The following ARHGAP22 variants were observed in gnomAD, a reference collection of about 807,000 sequenced individuals.
The protein encoded by ARHGAP22 is rho GTPase-activating protein 22.
ARHGAP22 carries 48 observed loss-of-function variants against 59.1 expected under a neutral mutation model. The observed-to-expected ratio is 0.81, with a 90% CI of 0.64 to 1.03. The LOEUF (loss-of-function observed/expected upper bound fraction) is 1.03, where lower values mean the gene tolerates loss of function less well. ARHGAP22 is among the 50% of genes least tolerant of loss of function. ARHGAP22 has a pLI of 0.00. For synonymous variants in ARHGAP22, 445 were observed against 416.4 expected (o/e 1.07, Z -0.84); for missense variants, 1,015 against 958.7 (o/e 1.06, Z -0.78).
In ARHGAP22 at chr10:48,493,646, T is replaced by A; in HGVS notation, c.323-13882A>T. ...TGCCTGTGGGCATCAGGCTGAGGCC[T>A]TTTGTCTCTCCTGGGGAACTTCTGC... is the stretch of plus-strand genomic sequence containing the variant. On this transcript the variant is annotated intron_variant, in intron 3 of 9. Transcript: ENST00000249601. 10 of 1,419,014 alleles carry A rather than the reference T, an allele frequency of 7.0e-6. No individual in the cohort carries two copies. In the South Asian group the frequency reaches 9.5e-5, roughly 13 times the overall value. The allele number at this position is 1,419,014 out of a possible 1,614,324, so 87.9% of individuals were successfully genotyped here. A position where few individuals can be genotyped will look rare whatever the true frequency, so the allele number is the denominator to read the frequency against.
In ARHGAP22 at chr10:48,453,360, A is replaced by G; in HGVS notation, c.932T>C (p.Val311Ala). 1 of 1,614,018 alleles carries G rather than the reference A, an allele frequency of 6.2e-7. No homozygotes were observed. Among genetic ancestry groups the G allele is most frequent in the Non-Finnish European group, 8.5e-7 (1 of 1,179,986 alleles). Reference protein sequence around the residue: ...NKMSVQNLATVFGPNILRPQV... With the variant: ...NKMSVQNLATAFGPNILRPQV... ...TGGCCGCAGAATGTTAGGTCCAAAA[A>G]CGGTTGCCAGATTCTGGACACTCAT... The change falls in exon 8 of 10, where the codon GTT becomes GCT. Residue 311 changes from valine (V) to alanine (A), a missense_variant. Physicochemically the swap from Val to Ala is moderately conservative, Grantham distance 64. Coordinates refer to ENST00000249601, the MANE Select transcript of ARHGAP22 (RefSeq NM_021226.4).
intron 2 of ARHGAP22, among the ~76,000 whole-genome samples, chr10:48,577,855 C>T (rs2058844953): frequency 1.6e-5 from 2 of 127,940 alleles, no homozygotes; most frequent in African/African-American, 5.9e-5. Context: ...CTCTGCTGCC[C>T]AGGCTGAAGT....
chr10:48,551,863 A>T (rs2056919682), intron 3 of ARHGAP22, among the ~76,000 whole-genome samples: 1 of 152,240 alleles, frequency 6.6e-6, no homozygotes, highest in East Asian at 1.9e-4. Flanking sequence ...AATCTGTAGG[A>T]GGCCCCATAT....
chr10:48,528,404 A>T (rs1589964929), intron 3 of ARHGAP22, among the ~76,000 whole-genome samples: 2 of 152,180 alleles, frequency 1.3e-5, no homozygotes. Context: ...TGTACAAATG[A>T]TGACTGAACA....
chr10:48,496,860 T>TG (rs1028290179), intron 3 of ARHGAP22, among the ~76,000 whole-genome samples: 3 of 151,996 alleles, frequency 2.0e-5, no homozygotes, highest in Admixed American at 1.3e-4. Flanking sequence ...CTCTGGAGAT[T>TG]GGGGGGTAGG....
chr10:48,551,354 T>C (rs1258238781), intron 3 of ARHGAP22, among the ~76,000 whole-genome samples: 2 of 152,192 alleles, frequency 1.3e-5, no homozygotes, highest in Non-Finnish European at 2.9e-5. Context: ...AGGCCTGTGG[T>C]CCCACAGAGG....
chr10:48,441,589 C>G (rs2045203950), downstream of ARHGAP22, among the ~76,000 whole-genome samples: 1 of 151,768 alleles, frequency 6.6e-6, no homozygotes, highest in South Asian at 2.1e-4. Context: ...GTAGCTGGGA[C>G]TACAGGTGCC....
intron 1 of ARHGAP22, among the ~76,000 whole-genome samples, chr10:48,615,565 C>T (rs1433133058): frequency 1.3e-5 from 2 of 152,024 alleles, no homozygotes; most frequent in East Asian, 3.9e-4. Flanking sequence ...TGCAAAGAAA[C>T]AAAAAATATT....
intron 1 of ARHGAP22, chr10:48,652,199 A>G (rs1589341741): frequency 6.6e-7 from 1 of 1,521,950 alleles, no homozygotes; most frequent in East Asian, 2.5e-5. Flanking sequence ...TGCAAAGGTA[A>G]TCATTTCCCA....
chr10:48,590,888 C>T (rs1010103167), intron 1 of ARHGAP22, among the ~76,000 whole-genome samples: 7 of 152,108 alleles, frequency 4.6e-5, no homozygotes, highest in African/African-American at 1.2e-4. Context: ...AAGGGATGGA[C>T]GTTCACAAGA....
chr10:48,652,368 C>A, exon 1 of ARHGAP22: 2 of 1,213,002 alleles, frequency 1.6e-6, no homozygotes, highest in Non-Finnish European at 2.3e-6. Context: ...CAAGCTAATT[C>A]CTGTTTTCCA....
intron 3 of ARHGAP22, among the ~76,000 whole-genome samples, chr10:48,514,546 A>C (rs1348285853): frequency 6.6e-6 from 1 of 152,168 alleles, no homozygotes; most frequent in Non-Finnish European, 1.5e-5. Flanking sequence ...AAAACCAAGA[A>C]TATTCAGTCC....
intron 3 of ARHGAP22, chr10:48,493,303 T>C (rs1042027348): frequency 1.9e-5 from 19 of 974,634 alleles, no homozygotes; most frequent in Non-Finnish European, 2.9e-5. Context: ...GTCCTCCCAG[T>C]CTTCATTCAT....
chr10:48,456,628 G>A (rs561293980), intron 5 of ARHGAP22, among the ~76,000 whole-genome samples: 65 of 152,278 alleles, frequency 4.3e-4, no homozygotes, highest in African/African-American at 1.4e-3. Context: ...CAGCCAGCCC[G>A]TATGTCTTCC....
chr10:48,460,014 A>C, intron 4 of ARHGAP22, 123 bp from the exon 5 acceptor site: 1 of 970,766 alleles, frequency 1.0e-6, no homozygotes, highest in Non-Finnish European at 1.5e-6. Context: ...AGCAAATTAC[A>C]CACTGGGAGG....
At chr10:48,530,694 A>G (rs1219529977) in intron 3 of ARHGAP22, among the ~76,000 whole-genome samples, 2 of 152,236 alleles carry the variant, frequency 1.3e-5, no homozygotes, top group Non-Finnish European at 2.9e-5. Context: ...ATGATCAGGG[A>G]AATGCAAATC....
downstream of ARHGAP22, among the ~76,000 whole-genome samples, chr10:48,441,100 G>A (rs1019606010): frequency 6.6e-6 from 1 of 152,328 alleles, no homozygotes; most frequent in Admixed American, 6.5e-5. Flanking sequence ...CGCTCCAGGA[G>A]TGGGAGGAAG....
chr10:48,495,399 A>G (rs2050812361), intron 3 of ARHGAP22, among the ~76,000 whole-genome samples: 2 of 152,246 alleles, frequency 1.3e-5, no homozygotes, highest in Non-Finnish European at 2.9e-5. Context: ...AGATGAGAAC[A>G]CAGAGGCTAC....
At chr10:48,630,990 G>A (rs1589245072) in intron 1 of ARHGAP22, among the ~76,000 whole-genome samples, 1 of 152,184 alleles carries the variant, frequency 6.6e-6, no homozygotes, top group Non-Finnish European at 1.5e-5. Context: ...TCATGAATGA[G>A]TGTTGGATTT....
Sources: gnomAD v4.1 joint callset for allele counts (sites outside exome capture counted in the v4.1 genomes callset) on GRCh38, gnomAD v4.1.1 for gene constraint, MANE v1.5 for transcripts, NCBI Gene and HGNC (gene_info 2026-07-23, HGNC 2026-07-21) for gene names.